Variants in SORCS1 observed in about 807,000 individuals in gnomAD.
The protein encoded by SORCS1 is VPS10 domain-containing receptor SorCS1.
A neutral mutation model predicts 146.1 loss-of-function variants in SORCS1; 60 were observed. That is an observed-to-expected ratio of 0.41 (90% CI 0.33 to 0.51). SORCS1 has a LOEUF of 0.51. Among genes scored for constraint, SORCS1 ranks in the 20% least tolerant of loss-of-function variants. The pLI, the probability that SORCS1 is intolerant of heterozygous loss-of-function variation, is 0.21. For synonymous variants in SORCS1, 637 were observed against 584.0 expected, an observed-to-expected ratio of 1.09 and a Z score of -1.31; for missense variants, 1,352 against 1,487.6, an observed-to-expected ratio of 0.91 and a Z score of 1.50.
intron 9 of SORCS1, among the ~76,000 whole-genome samples, chr10:106,695,545 C>T (rs991710290): frequency 1.3e-5 from 2 of 152,164 alleles, no homozygotes; most frequent in Non-Finnish European, 2.9e-5. Context: ...GCAAAAGTTG[C>T]TGTATTCCCT....
At chr10:106,773,910 T>C (rs941804455) in intron 4 of SORCS1, among the ~76,000 whole-genome samples, 27 of 152,012 alleles carry the variant, frequency 1.8e-4, no homozygotes, top group African/African-American at 6.3e-4. Flanking sequence ...GATTGCGCCA[T>C]TGCACTCCAG....
chr10:106,882,185 TC>T (rs1937404277), intron 2 of SORCS1, among the ~76,000 whole-genome samples: 1 of 152,174 alleles, frequency 6.6e-6, no homozygotes, highest in African/African-American at 2.4e-5. Context: ...AGGTATCCAA[TC>T]TTTTGACTTC....
chr10:107,089,314 G>T (rs576902608), intron 1 of SORCS1, among the ~76,000 whole-genome samples: 4 of 151,926 alleles, frequency 2.6e-5, no homozygotes, highest in African/African-American at 4.8e-5. Context: ...CTGTTTATGG[G>T]GTAAACAAAA....
chr10:107,016,019 T>G (rs1957882419), intron 1 of SORCS1, among the ~76,000 whole-genome samples: 1 of 152,184 alleles, frequency 6.6e-6, no homozygotes, highest in African/African-American at 2.4e-5. Context: ...AGCAATCAAT[T>G]ATAAATTAAT....
intron 1 of SORCS1, among the ~76,000 whole-genome samples, chr10:106,996,225 TAAAAAAA>T (rs376245294): frequency 6.0e-5 from 6 of 99,678 alleles, no homozygotes; most frequent in African/African-American, 2.1e-4. Flanking sequence ...AGACTCCATC[TAAAAAAA>T]AAAAAAAAAA....
intron 2 of SORCS1, among the ~76,000 whole-genome samples, chr10:106,934,871 A>G (rs1343734536): frequency 6.6e-6 from 1 of 152,162 alleles, no homozygotes; most frequent in African/African-American, 2.4e-5. Context: ...ATGGGTACAT[A>G]AAGGCATACA....
chr10:106,650,766 T>C (rs1486171683), intron 18 of SORCS1, among the ~76,000 whole-genome samples: 1 of 152,202 alleles, frequency 6.6e-6, no homozygotes, highest in East Asian at 1.9e-4. Context: ...GCATAAAATG[T>C]TGGACTCACT....
intron 1 of SORCS1, among the ~76,000 whole-genome samples, chr10:107,154,158 C>A (rs929164012): frequency 2.6e-5 from 4 of 151,812 alleles, no homozygotes; most frequent in Non-Finnish European, 5.9e-5. Context: ...ACTACAGACA[C>A]CCACTTGGCT....
intron 1 of SORCS1, among the ~76,000 whole-genome samples, chr10:107,000,324 G>C (rs1399260040): frequency 6.6e-6 from 1 of 152,032 alleles, no homozygotes; most frequent in Non-Finnish European, 1.5e-5. Flanking sequence ...ATTTGGCTGG[G>C]CACAATGGCT....
At chr10:107,099,621 T>C (rs1305641533) in intron 1 of SORCS1, among the ~76,000 whole-genome samples, 1 of 152,186 alleles carries the variant, frequency 6.6e-6, no homozygotes, top group Non-Finnish European at 1.5e-5. Context: ...AGGTATTCCA[T>C]CACTGAAGAA....
intron 7 of SORCS1, 68 bp downstream of exon 7, chr10:106,709,154 AG>A (rs1284497430): frequency 3.3e-6 from 4 of 1,226,540 alleles, no homozygotes; most frequent in Non-Finnish European, 1.2e-6. Context: ...AGTGTAAAGC[AG>A]GCAAAAGGGA....
intron 8 of SORCS1, among the ~76,000 whole-genome samples, chr10:106,706,104 T>C (rs1473600317): frequency 6.6e-6 from 1 of 151,940 alleles, no homozygotes; most frequent in East Asian, 1.9e-4. Context: ...AACCAATACA[T>C]ATGGCTTGAA....
intron 2 of SORCS1, among the ~76,000 whole-genome samples, chr10:106,895,150 C>T (rs566679530): frequency 2.0e-5 from 3 of 152,090 alleles, no homozygotes; most frequent in Admixed American, 6.5e-5. Flanking sequence ...TCCTCAAGTC[C>T]GTTTTGTGCT....
chr10:106,785,984 C>A (rs1374083951), intron 3 of SORCS1, among the ~76,000 whole-genome samples: 6 of 152,230 alleles, frequency 3.9e-5, no homozygotes, highest in African/African-American at 1.4e-4. Flanking sequence ...ATAATTACAT[C>A]ATCTGCTGCT....
At chr10:106,948,594 T>C (rs1011357523) in intron 2 of SORCS1, among the ~76,000 whole-genome samples, 1 of 151,224 alleles carries the variant, frequency 6.6e-6, no homozygotes, top group Non-Finnish European at 1.5e-5. Context: ...GGACTGCTTG[T>C]GGCTGCAGTG....
chr10:106,950,127 G>A (rs563554575), intron 2 of SORCS1, among the ~76,000 whole-genome samples: 3 of 152,280 alleles, frequency 2.0e-5, no homozygotes, highest in Non-Finnish European at 4.4e-5. Context: ...GAATTGTTCT[G>A]CATCAAATCA....
intron 3 of SORCS1, among the ~76,000 whole-genome samples, chr10:106,806,508 T>TC (rs35081099): frequency 0.015 from 926 of 61,714 alleles, 83 homozygotes; most frequent in African/African-American, 0.026. Context: ...AGGAAGCCTT[T>TC]TTTTTTTTTT....
intron 1 of SORCS1, among the ~76,000 whole-genome samples, chr10:107,066,195 T>C (rs1220190384): frequency 6.6e-6 from 1 of 152,156 alleles, no homozygotes; most frequent in Non-Finnish European, 1.5e-5. Flanking sequence ...AGGGCAGTTG[T>C]AGCTCTGAGC....
chr10:106,941,829 G>T (rs1185354548), intron 2 of SORCS1, among the ~76,000 whole-genome samples: 1 of 152,258 alleles, frequency 6.6e-6, no homozygotes, highest in Non-Finnish European at 1.5e-5. Flanking sequence ...GACTCACTCT[G>T]TGTTGACAAT....
Sources: allele counts gnomAD v4.1 joint callset (sites outside exome capture counted in the v4.1 genomes callset), GRCh38; gene constraint gnomAD v4.1.1; transcripts MANE v1.5; gene names NCBI Gene and HGNC (gene_info 2026-07-23, HGNC 2026-07-21).